Variants in ADAMTS17 observed in about 807,000 individuals in gnomAD.
ADAMTS17 encodes the protein A disintegrin and metalloproteinase with thrombospondin motifs 17.
ADAMTS17 carries 113 observed loss-of-function variants against 141.5 expected under a neutral mutation model. That is an observed-to-expected ratio of 0.80 (90% CI 0.69 to 0.93). The LOEUF (loss-of-function observed/expected upper bound fraction) is 0.93, where lower values mean the gene tolerates loss of function less well. Ranked by LOEUF, ADAMTS17 falls within the 40% of genes least tolerant of loss-of-function variation. The pLI, the probability that ADAMTS17 is intolerant of heterozygous loss-of-function variation, is 0.00. For synonymous variants in ADAMTS17, 768 were observed against 630.6 expected (o/e 1.22, Z -3.27); for missense variants, 1,659 against 1,517.9 (o/e 1.09, Z -1.54).
chr15:100,305,747 G>A (rs1439402435), intron 3 of ADAMTS17: 1 of 152,298 alleles, frequency 6.6e-6, no homozygotes, highest in East Asian at 1.9e-4. Flanking sequence ...GGCCAGTCAT[G>A]GTGGCTCACA....
intron 8 of ADAMTS17, among the ~76,000 whole-genome samples, chr15:100,193,069 A>T (rs982668386): frequency 6.6e-6 from 1 of 152,234 alleles, no homozygotes; most frequent in Non-Finnish European, 1.5e-5. Context: ...AATGTAATGA[A>T]AATTAGAGAA....
At chr15:100,260,599 G>A (rs562683884) in intron 6 of ADAMTS17, among the ~76,000 whole-genome samples, 96 of 142,562 alleles carry the variant, frequency 6.7e-4, no homozygotes, top group Non-Finnish European at 1.0e-3. Flanking sequence ...CTGGGCAACA[G>A]AGGAGACTCC....
At chr15:100,164,549 A>G (rs2039870463) in intron 8 of ADAMTS17, among the ~76,000 whole-genome samples, 1 of 152,232 alleles carries the variant, frequency 6.6e-6, no homozygotes, top group Non-Finnish European at 1.5e-5. Context: ...TAGTAGGCAC[A>G]GTGGAGAAGA....
chr15:100,015,847 G>C (rs1466238801), intron 18 of ADAMTS17, among the ~76,000 whole-genome samples: 1 of 152,170 alleles, frequency 6.6e-6, no homozygotes, highest in Non-Finnish European at 1.5e-5. Context: ...ATGTGCCTAA[G>C]TGATGATCTT....
chr15:100,105,033 G>A (rs1389021152), intron 14 of ADAMTS17, among the ~76,000 whole-genome samples: 4 of 152,234 alleles, frequency 2.6e-5, no homozygotes, highest in African/African-American at 9.6e-5. Context: ...TCTGAAGAAA[G>A]TACTGTTAGA....
At chr15:100,222,276 G>C (rs1326327857) in intron 7 of ADAMTS17, among the ~76,000 whole-genome samples, 1 of 152,202 alleles carries the variant, frequency 6.6e-6, no homozygotes. Context: ...ACAGTTCTCT[G>C]CCTTAAGTCC....
intron 7 of ADAMTS17, among the ~76,000 whole-genome samples, chr15:100,241,659 C>T (rs1350894955): frequency 6.6e-6 from 1 of 152,334 alleles, no homozygotes; most frequent in South Asian, 2.1e-4. Flanking sequence ...GTATCACTTC[C>T]ACCCCATTCC....
intron 10 of ADAMTS17, among the ~76,000 whole-genome samples, chr15:100,149,395 T>C (rs2039059133): frequency 6.6e-6 from 1 of 152,242 alleles, no homozygotes; most frequent in Non-Finnish European, 1.5e-5. Flanking sequence ...TTTTAAAGTT[T>C]AACTTCCTCG....
rs148268884 is a variant in ADAMTS17, at chr15:100,099,297, C to T, written c.2017-2821G>A. On this transcript the variant is annotated intron_variant, in intron 14 of 21. Coordinates refer to ENST00000268070, the MANE Select transcript of ADAMTS17 (RefSeq NM_139057.4). ...GTCTGAACAGCAGTGACTCTAAATG[C>T]TGACGGGTGACAGCCACAAAATCTG... 1.9e-3 allele frequency among the ~76,000 whole-genome samples: 290 copies of T among 152,318 alleles called. 1 individual carries two copies. The highest frequency in any genetic ancestry group is 6.8e-3 in the African/African-American group (283 of 41,574).
chr15:100,249,889 G>A (rs2141942392), intron 7 of ADAMTS17, among the ~76,000 whole-genome samples: 1 of 152,262 alleles, frequency 6.6e-6, no homozygotes, highest in Non-Finnish European at 1.5e-5. Flanking sequence ...GTTACCCTGG[G>A]GGGACTACTG....
At chr15:100,086,724 T>C (rs200500956) in intron 15 of ADAMTS17, among the ~76,000 whole-genome samples, 42,329 of 141,108 alleles carry the variant, frequency 0.3, 8,534 homozygotes, top group East Asian at 0.56. Context: ...AACTGAAAAA[T>C]ATGCTCCTGA....
chr15:100,132,867 T>G (rs1013390455), intron 11 of ADAMTS17, among the ~76,000 whole-genome samples: 3 of 152,230 alleles, frequency 2.0e-5, no homozygotes, highest in African/African-American at 7.2e-5. Context: ...AATACTGTTC[T>G]CACTGAATTA....
intron 8 of ADAMTS17, among the ~76,000 whole-genome samples, chr15:100,195,173 G>A (rs1192862871): frequency 6.6e-6 from 1 of 152,202 alleles, no homozygotes; most frequent in African/African-American, 2.4e-5. Context: ...TAGCGTGACC[G>A]CTGCTCAGCA....
At chr15:100,205,104 T>G (rs2041483720) in intron 7 of ADAMTS17, among the ~76,000 whole-genome samples, 1 of 152,148 alleles carries the variant, frequency 6.6e-6, no homozygotes, top group Non-Finnish European at 1.5e-5. Flanking sequence ...AGACCACAGC[T>G]TAGGACACAG....
Position 100,099,510 on chromosome 15 carries a change from C to G in ADAMTS17, c.2017-3034G>C, listed in dbSNP as rs147404771. Reference sequence around the variant, plus strand: ...GTTCCAAGAGAACAAGATGACCAAGCCTGAGGAAACTCCAGGCAATAAACT... The same window carrying G: ...GTTCCAAGAGAACAAGATGACCAAGGCTGAGGAAACTCCAGGCAATAAACT... On this transcript the variant is annotated intron_variant, in intron 14 of 21. Transcript: ENST00000268070. 5.9e-5 allele frequency among the ~76,000 whole-genome samples: 9 copies of G among 152,314 alleles called. No homozygotes were observed. The East Asian group carries it at 9.7e-4, about 16-fold the overall frequency.
chr15:100,125,688 C>T (rs1386815147), intron 12 of ADAMTS17, among the ~76,000 whole-genome samples: 2 of 152,128 alleles, frequency 1.3e-5, no homozygotes. Context: ...AGTCTTCTGA[C>T]GTAACTCCCA....
At chr15:100,138,798 T>C (rs1292274141) in intron 10 of ADAMTS17, among the ~76,000 whole-genome samples, 1 of 152,220 alleles carries the variant, frequency 6.6e-6, no homozygotes, top group East Asian at 1.9e-4. Flanking sequence ...GGCAGTGTTC[T>C]ACTATGGCCG....
At chr15:100,152,300 G>C (rs2039204992) in intron 10 of ADAMTS17, among the ~76,000 whole-genome samples, 1 of 152,146 alleles carries the variant, frequency 6.6e-6, no homozygotes, top group Non-Finnish European at 1.5e-5. Context: ...AGAGTCAGTA[G>C]TAACCCTGAA....
At chr15:100,239,550 G>C (rs76891656) in intron 7 of ADAMTS17, among the ~76,000 whole-genome samples, 6,800 of 152,242 alleles carry the variant, frequency 0.045, 340 homozygotes, top group African/African-American at 0.11. Flanking sequence ...GCAAGAAGAG[G>C]CTACCCTTTG....
Sources: gnomAD v4.1 joint callset for allele counts (sites outside exome capture counted in the v4.1 genomes callset) on GRCh38, gnomAD v4.1.1 for gene constraint, MANE v1.5 for transcripts, NCBI Gene and HGNC (gene_info 2026-07-23, HGNC 2026-07-21) for gene names.